Variants in HOXC4 observed in about 807,000 individuals in gnomAD.
HOXC4 encodes homeobox protein Hox-C4.
Under a neutral mutation model 25.5 loss-of-function variants are expected in HOXC4, and 15 were observed. The ratio of observed to expected loss-of-function variants is 0.59; its 90% CI spans 0.39 to 0.91. HOXC4 has a LOEUF of 0.91. HOXC4 is among the 40% of genes least tolerant of loss of function. The probability of loss-of-function intolerance (pLI) is 0.00; values close to 1 mark genes in which losing one functional copy is unlikely to be tolerated. For synonymous variants in HOXC4, 165 were observed against 148.0 expected (o/e 1.11, Z -0.83); for missense variants, 342 against 352.4 (o/e 0.97, Z 0.24).
rs1937928193 is a variant in HOXC4, at chr12:54,054,549, T to G, written c.439+188T>G. Among the ~76,000 whole-genome samples the G allele has an allele frequency of 4.6e-5, 7 of 152,074 alleles. No individual in the cohort carries two copies. In the South Asian group the frequency reaches 1.5e-3, roughly 32 times the overall value. On this transcript the variant is annotated intron_variant, in intron 1 of 1. Coordinates refer to ENST00000430889, the MANE Select transcript of HOXC4 (RefSeq NM_153633.3). ...TGGGTAATTACATCCCCCATAAATT[T>G]TATGGCTTAGCTACTCTGGGCAGTC...
chr12:54,032,156 C>CCA (rs905533367), intron 1 of HOXC4, among the ~76,000 whole-genome samples: 10 of 152,300 alleles, frequency 6.6e-5, no homozygotes, highest in Non-Finnish European at 1.5e-4. Context: ...CTGTCCGTGT[C>CCA]CACACACACA....
At chr12:54,049,107 A>T (rs960024049), upstream of HOXC4, among the ~76,000 whole-genome samples, 1 of 152,248 alleles carries the variant, frequency 6.6e-6, no homozygotes, top group African/African-American at 2.4e-5. Context: ...GGGATGAGGG[A>T]GGAAGGTGGT....
chr12:54,020,231 G>A (rs1378820203), intron 1 of HOXC4: 2 of 152,308 alleles, frequency 1.3e-5, no homozygotes, highest in African/African-American at 2.4e-5. Flanking sequence ...CTGGCTCAAG[G>A]ACTCTGCACA....
chr12:54,041,484 A>G (rs572396099), intron 1 of HOXC4, among the ~76,000 whole-genome samples: 2 of 152,362 alleles, frequency 1.3e-5, no homozygotes, highest in East Asian at 3.9e-4. Context: ...TAAGAGTACA[A>G]GAATGGGAAG....
At chr12:54,042,539 G>A (rs1023829130) in intron 1 of HOXC4, among the ~76,000 whole-genome samples, 15 of 152,138 alleles carry the variant, frequency 9.9e-5, no homozygotes, top group African/African-American at 2.9e-4. Context: ...TTTGACTGTC[G>A]TTCTCTGTAA....
At chr12:54,028,724 G>A (rs770006440) in intron 1 of HOXC4, 1 of 1,614,116 alleles carries the variant, frequency 6.2e-7, no homozygotes, top group Non-Finnish European at 8.5e-7. Flanking sequence ...TCCAGCCGGG[G>A]GCCGTATGAC....
At chr12:54,019,546 G>T (rs567903825) in intron 1 of HOXC4, among the ~76,000 whole-genome samples, 2 of 152,220 alleles carry the variant, frequency 1.3e-5, no homozygotes, top group South Asian at 4.1e-4. Flanking sequence ...GTCCGCCCCC[G>T]CCCCTGTGGA....
In HOXC4 at chr12:54,055,177, A is replaced by T. The variant is rs527747982; in HGVS notation, c.767A>T (p.Gln256Leu). Residue 256 changes from glutamine (Q) to leucine (L), a missense_variant, in exon 2 of 2, where the codon CAA becomes CTA. Coordinates refer to ENST00000430889, the MANE Select transcript of HOXC4 (RefSeq NM_153633.3). ...HSQSATPPEQ[Q>L]RAEDITRL ...CAGAGCGCCACGCCGCCGGAGCAGC[A>T]ACGGGCAGAGGACATTACCAGGTTA... 6.2e-7 allele frequency: 1 copy of T among 1,610,236 alleles called. No individual in the cohort carries two copies. The highest frequency in any genetic ancestry group is 8.5e-7 in the Non-Finnish European group (1 of 1,178,056).
chr12:54,029,936 A>T (rs1389648348), intron 1 of HOXC4: 11 of 1,594,262 alleles, frequency 6.9e-6, no homozygotes, highest in African/African-American at 1.4e-5. Context: ...GCGGGAAGAG[A>T]CAGAAGAGGA....
In HOXC4 at chr12:54,054,854, C is replaced by T; in HGVS notation, c.444C>T (p.Asn148=). ...TTGCTTTTCCCCTCCCCCCAGTGAA[C>T]CCCAATTATAACGGAGGGGAACCCA... ...WMKKIHVSTV[N]PNYNGGEPKR... The change falls in exon 2 of 2, where the codon AAC becomes AAT. Residue 148 remains asparagine (N), a synonymous_variant. Coordinates refer to ENST00000430889, the MANE Select transcript of HOXC4 (RefSeq NM_153633.3). 1 of 1,602,778 alleles carries T rather than the reference C, an allele frequency of 6.2e-7. No individual in the cohort carries two copies.
intron 1 of HOXC4, among the ~76,000 whole-genome samples, chr12:54,029,471 T>A (rs1200895719): frequency 8.3e-6 from 1 of 120,284 alleles, no homozygotes; most frequent in Non-Finnish European, 1.6e-5. Flanking sequence ...ATAGGAGGTC[T>A]GAAGTTGGGG....
upstream of HOXC4, among the ~76,000 whole-genome samples, chr12:54,049,151 G>A (rs1161926188): frequency 6.6e-6 from 1 of 152,170 alleles, no homozygotes; most frequent in Non-Finnish European, 1.5e-5. Context: ...AATTTCTCCA[G>A]CATAAAAATG....
At chr12:54,024,639 G>T (rs1011009877) in intron 1 of HOXC4, among the ~76,000 whole-genome samples, 1 of 152,128 alleles carries the variant, frequency 6.6e-6, no homozygotes, top group African/African-American at 2.4e-5. Context: ...GCCTGCCCAC[G>T]AACTTCTTCA....
At chr12:54,023,122 C>T (rs1328991575) in intron 1 of HOXC4, among the ~76,000 whole-genome samples, 1 of 152,220 alleles carries the variant, frequency 6.6e-6, no homozygotes. Context: ...TCCCCAGGCT[C>T]TCCCCAAGCC....
chr12:54,030,003 G>A, intron 1 of HOXC4: 10 of 1,455,570 alleles, frequency 6.9e-6, no homozygotes, highest in Non-Finnish European at 9.2e-6. Context: ...TTTCTCCCTC[G>A]CTCCCCACCA....
intron 1 of HOXC4, chr12:54,030,226 G>A: frequency 2.9e-6 from 1 of 347,436 alleles, no homozygotes. Context: ...CCCCGTCCAG[G>A]CCTTGGGGGC....
At chr12:54,034,313 C>G (rs1187230124) in intron 1 of HOXC4, 1 of 1,614,136 alleles carries the variant, frequency 6.2e-7, no homozygotes, top group Admixed American at 1.7e-5. Flanking sequence ...CAGTTACACG[C>G]GCTACCAGAC....
intron 1 of HOXC4, among the ~76,000 whole-genome samples, chr12:54,043,182 G>C (rs973774780): frequency 6.6e-6 from 1 of 152,200 alleles, no homozygotes; most frequent in Admixed American, 6.5e-5. Flanking sequence ...GCCCTGAGCC[G>C]GTCCACTGCT....
chr12:54,040,775 G>A (rs1487137422), intron 1 of HOXC4, among the ~76,000 whole-genome samples: 3 of 152,200 alleles, frequency 2.0e-5, no homozygotes, highest in East Asian at 1.9e-4. Context: ...ATGAGGGCAG[G>A]TGGGGTGAGA....
Sources: gnomAD v4.1 joint callset for allele counts (sites outside exome capture counted in the v4.1 genomes callset) on GRCh38, gnomAD v4.1.1 for gene constraint, MANE v1.5 for transcripts, NCBI Gene and HGNC (gene_info 2026-07-23, HGNC 2026-07-21) for gene names.